Variants in GAB2 observed in about 807,000 individuals in gnomAD.
GAB2 encodes GRB2-associated-binding protein 2.
In GAB2, 26 loss-of-function variants were observed where a neutral mutation model predicts 65.5. The ratio of observed to expected loss-of-function variants is 0.40; its 90% CI spans 0.29 to 0.55. GAB2 has a LOEUF of 0.55. GAB2 is among the 20% of genes least tolerant of loss of function. The probability of loss-of-function intolerance (pLI) is 0.53; values close to 1 mark genes in which losing one functional copy is unlikely to be tolerated. For synonymous variants in GAB2, 321 were observed against 329.6 expected, an observed-to-expected ratio of 0.97 and a Z score of 0.28; for missense variants, 884 against 875.8, an observed-to-expected ratio of 1.01 and a Z score of -0.12.
At chr11:78,410,283 C>G (rs1336139582) in intron 1 of GAB2, among the ~76,000 whole-genome samples, 2 of 152,176 alleles carry the variant, frequency 1.3e-5, no homozygotes, top group Non-Finnish European at 2.9e-5. Flanking sequence ...GCAGGCAGAT[C>G]ACTTAAGGTC....
intron 2 of GAB2, among the ~76,000 whole-genome samples, chr11:78,252,124 AC>A (rs1218460592): frequency 6.6e-6 from 1 of 152,156 alleles, no homozygotes; most frequent in Non-Finnish European, 1.5e-5. Flanking sequence ...CTGTCATCTG[AC>A]CTATCTCAGG....
In GAB2 at chr11:78,222,137, C is replaced by T. The variant is rs759784270; in HGVS notation, c.1626G>A (p.Lys542=). The change falls in exon 7 of 10, where the codon AAG becomes AAA. Residue 542 remains lysine, a synonymous_variant. Transcript: ENST00000361507. The part of the protein sequence containing the change: ...NNTVIDELPF[K]SPITKSWSRA... The stretch of plus-strand genomic sequence containing the variant: ...TAGACCAAGACTTGGTGATAGGTGA[C>T]TTGAAGGGGAGTTCATCGATGACGG... The T allele has an allele frequency of 4.3e-6, 7 of 1,613,716 alleles. No individual in the cohort carries two copies. In the Admixed American group the frequency reaches 1.0e-4, roughly 23 times the overall value.
At chr11:78,293,441 T>G (rs1048494041) in intron 1 of GAB2, among the ~76,000 whole-genome samples, 1 of 152,140 alleles carries the variant, frequency 6.6e-6, no homozygotes, top group East Asian at 1.9e-4. Flanking sequence ...TGCTTCTGTT[T>G]TGGGGGAAAA....
At chr11:78,403,637 G>A (rs1857003275) in intron 1 of GAB2, among the ~76,000 whole-genome samples, 1 of 152,176 alleles carries the variant, frequency 6.6e-6, no homozygotes, top group Admixed American at 6.5e-5. Flanking sequence ...AAAACTATTA[G>A]TAGAAAATAT....
At chr11:78,312,250 G>C (rs949267691) in intron 1 of GAB2, among the ~76,000 whole-genome samples, 15 of 151,338 alleles carry the variant, frequency 9.9e-5, no homozygotes, top group Admixed American at 2.6e-4. Flanking sequence ...GAAAACAAGA[G>C]GGAGATTCTG....
intron 1 of GAB2, among the ~76,000 whole-genome samples, chr11:78,329,639 T>C (rs547443855): frequency 2.6e-5 from 4 of 152,268 alleles, no homozygotes; most frequent in African/African-American, 9.6e-5. Context: ...AACCAGACCA[T>C]TTTAGAGGCC....
At chr11:78,356,831 G>A (rs1856365568) in intron 1 of GAB2, among the ~76,000 whole-genome samples, 1 of 152,172 alleles carries the variant, frequency 6.6e-6, no homozygotes, top group African/African-American at 2.4e-5. Flanking sequence ...AAAAGGAATG[G>A]CATTCTGAAA....
chr11:78,228,046 A>C (rs1253340328), intron 3 of GAB2, among the ~76,000 whole-genome samples: 1 of 152,174 alleles, frequency 6.6e-6, no homozygotes, highest in African/African-American at 2.4e-5. Context: ...GAGAAGAGAA[A>C]CAAGAGGGGA....
chr11:78,305,794 TCCCAAGG>T (rs1275391876), intron 1 of GAB2, among the ~76,000 whole-genome samples: 2 of 152,170 alleles, frequency 1.3e-5, no homozygotes, highest in Non-Finnish European at 2.9e-5. Flanking sequence ...CGGGATGCAT[TCCCAAGG>T]TCTCAGTTTC....
intron 2 of GAB2, among the ~76,000 whole-genome samples, chr11:78,253,798 C>T (rs753067253): frequency 7.9e-5 from 12 of 152,098 alleles, no homozygotes; most frequent in Admixed American, 2.0e-4. Context: ...TCAATAAATA[C>T]GCGTTGATCA....
intron 3 of GAB2, among the ~76,000 whole-genome samples, chr11:78,237,855 GA>G (rs1484923027): frequency 6.6e-6 from 1 of 152,206 alleles, no homozygotes; most frequent in African/African-American, 2.4e-5. Context: ...CCATAAAAAG[GA>G]AAGAGATCAT....
At chr11:78,241,705 G>A (rs1009172709) in intron 3 of GAB2, among the ~76,000 whole-genome samples, 2 of 151,902 alleles carry the variant, frequency 1.3e-5, no homozygotes, top group Non-Finnish European at 2.9e-5. Context: ...TGATCAATTA[G>A]AAGAAAGAAT....
Position 78,230,196 on chromosome 11 carries a change from C to T in GAB2, c.621-3145G>A, listed in dbSNP as rs559823427. On this transcript the variant is annotated intron_variant, in intron 3 of 9. Coordinates refer to ENST00000361507, the MANE Select transcript of GAB2 (RefSeq NM_080491.3). ...TGTTGCTGCTATCCCTTTTCCTGGGCTTGGCCCAAACCTTCTGATCAGCAG... is the reference window on the plus strand; with the variant it reads ...TGTTGCTGCTATCCCTTTTCCTGGGTTTGGCCCAAACCTTCTGATCAGCAG... 2.6e-3 allele frequency among the ~76,000 whole-genome samples: 395 copies of T among 152,354 alleles called. 7 individuals are homozygous for T. The highest frequency in any genetic ancestry group is 0.02 in the Middle Eastern group (6 of 294).
intron 2 of GAB2, among the ~76,000 whole-genome samples, chr11:78,278,567 G>A (rs1001717476): frequency 2.2e-5 from 3 of 136,822 alleles, no homozygotes; most frequent in Admixed American, 7.3e-5. Context: ...TAGTAGAGAC[G>A]GGTTTTCACC....
intron 1 of GAB2, among the ~76,000 whole-genome samples, chr11:78,287,840 G>T (rs745589073): frequency 1.3e-5 from 2 of 150,732 alleles, no homozygotes; most frequent in Non-Finnish European, 3.0e-5. Context: ...TAGAGATGGG[G>T]TTTCACCACG....
chr11:78,301,546 T>G (rs1384117476), intron 1 of GAB2, among the ~76,000 whole-genome samples: 2 of 152,214 alleles, frequency 1.3e-5, no homozygotes, highest in African/African-American at 4.8e-5. Context: ...TTGGCCAGGC[T>G]GGTCTTGAAC....
At chr11:78,312,759 G>C (rs190356418) in intron 1 of GAB2, among the ~76,000 whole-genome samples, 12 of 152,214 alleles carry the variant, frequency 7.9e-5, no homozygotes, top group Admixed American at 2.0e-4. Flanking sequence ...GAAGAAACTG[G>C]GAGGGTGAAG....
chr11:78,240,776 T>C (rs1865111781), intron 3 of GAB2, among the ~76,000 whole-genome samples: 1 of 152,064 alleles, frequency 6.6e-6, no homozygotes, highest in South Asian at 2.1e-4. Context: ...TGCTGTGCTC[T>C]GCCTACCAGG....
At chr11:78,320,707 C>T (rs921825714) in intron 1 of GAB2, among the ~76,000 whole-genome samples, 1 of 149,682 alleles carries the variant, frequency 6.7e-6, no homozygotes, top group African/African-American at 2.5e-5. Context: ...TGCATGACCA[C>T]ACCTGGATAA....
Sources: gnomAD v4.1 joint callset for allele counts (sites outside exome capture counted in the v4.1 genomes callset) on GRCh38, gnomAD v4.1.1 for gene constraint, MANE v1.5 for transcripts, NCBI Gene and HGNC (gene_info 2026-07-23, HGNC 2026-07-21) for gene names.